The following ARL5B variants were observed in gnomAD, a reference collection of about 807,000 sequenced individuals.
ARL5B encodes the protein ADP-ribosylation factor-like protein 5B.
A neutral mutation model predicts 26.9 loss-of-function variants in ARL5B; 10 were observed. The ratio of observed to expected loss-of-function variants is 0.37; its 90% confidence interval spans 0.23 to 0.63. The LOEUF is 0.63. Ranked by LOEUF, ARL5B falls within the 30% of genes least tolerant of loss-of-function variation. ARL5B has a pLI of 0.62. For synonymous variants in ARL5B, 87 were observed against 70.4 expected (o/e 1.24, Z -1.18); for missense variants, 167 against 213.9 (o/e 0.78, Z 1.37).
intron 1 of ARL5B, among the ~76,000 whole-genome samples, chr10:18,663,546 C>CTTTTTTTTTTT (rs10645351): frequency 1.0e-5 from 1 of 97,948 alleles, no homozygotes. Context: ...TTATTCTGCT[C>CTTTTTTTTTTT]TTTTTTTTTT....
chr10:18,664,429 CTTTTTTTTT>C (rs140830487), intron 1 of ARL5B, among the ~76,000 whole-genome samples: 27 of 67,248 alleles, frequency 4.0e-4, no homozygotes, highest in Non-Finnish European at 6.3e-4. Context: ...ACAGTAGTGT[CTTTTTTTTT>C]TTTTTTTTTT....
In ARL5B at chr10:18,679,538, C is replaced by T. The variant is rs536833389; in HGVS notation, c.*4322C>T. Reference sequence around the variant, plus strand: ...ACTGTGAAGACTGAAATCCAAAAGCCAGGTTCCCCAAAAAAGTATTTTTAA... The same window carrying T: ...ACTGTGAAGACTGAAATCCAAAAGCTAGGTTCCCCAAAAAAGTATTTTTAA... On this transcript the variant is annotated 3_prime_UTR_variant, in exon 6 of 6. Coordinates refer to ENST00000377275, the MANE Select transcript of ARL5B (RefSeq NM_178815.5). 1.2e-4 allele frequency: 18 copies of T among 151,842 alleles called. No individual in the cohort carries two copies. In the East Asian group the frequency reaches 2.5e-3, roughly 21 times the overall value. The allele number at this position is 151,842 out of a possible 1,614,324, so 9.4% of individuals were successfully genotyped here. A position where few individuals can be genotyped will look rare whatever the true frequency, so the allele number is the denominator to read the frequency against.
At chr10:18,667,113 T>C (rs996536223) in intron 2 of ARL5B, among the ~76,000 whole-genome samples, 2 of 152,230 alleles carry the variant, frequency 1.3e-5, no homozygotes, top group Non-Finnish European at 2.9e-5. Context: ...GAGAAATCTG[T>C]TAATACCTTA....
Position 18,680,386 on chromosome 10 carries a change from A to G in ARL5B, c.*5170A>G, listed in dbSNP as rs766523614. 6.6e-6 allele frequency: 1 copy of G among 152,104 alleles called. No individual in the cohort carries two copies. The highest frequency in any genetic ancestry group is 2.4e-5 in the African/African-American group (1 of 41,456). The allele number at this position is 152,104 out of a possible 1,614,324, so 9.4% of individuals were successfully genotyped here. The stretch of plus-strand genomic sequence containing the variant: ...AAGCACATAGGAAAGTGCTCAGTCA[A>G]TATTTAATTAGTTTAATTAGATAAG... On this transcript the variant is annotated 3_prime_UTR_variant, in exon 6 of 6. Transcript: ENST00000377275.
chr10:18,666,977 C>T (rs1000235601), intron 2 of ARL5B, among the ~76,000 whole-genome samples: 2 of 152,124 alleles, frequency 1.3e-5, no homozygotes, highest in Non-Finnish European at 2.9e-5. Flanking sequence ...TCTAGGAAGC[C>T]ATTGCTACCC....
rs1216053452 is a variant in ARL5B at position 18,676,623 on chromosome 10, T to C, written c.*1407T>C. On this transcript the variant is annotated 3_prime_UTR_variant, in exon 6 of 6. Coordinates refer to ENST00000377275, the MANE Select transcript of ARL5B (RefSeq NM_178815.5). ...GATAAAATGAATACTTAGAGAATAATACTTCATTTTTGCAGTACTTTTTAA... is the reference window on the plus strand; with the variant it reads ...GATAAAATGAATACTTAGAGAATAACACTTCATTTTTGCAGTACTTTTTAA... The C allele has an allele frequency of 5.3e-5, 8 of 152,152 alleles. No homozygotes were observed. In the East Asian group the frequency reaches 1.5e-3, roughly 29 times the overall value. The allele number at this position is 152,152 out of a possible 1,614,324, so 9.4% of individuals were successfully genotyped here. A position where few individuals can be genotyped will look rare whatever the true frequency, so the allele number is the denominator to read the frequency against.
rs1344241161 is a variant in ARL5B at position 18,680,621 on chromosome 10, C to T, written c.*5405C>T. On this transcript the variant is annotated 3_prime_UTR_variant, in exon 6 of 6. Transcript: ENST00000377275. Reference sequence around the variant, plus strand: ...GACTCTGAAGCCCCTATTTTATTCTCTTGGAGTAAACTGTTGAGTGTAGTT... The same window carrying T: ...GACTCTGAAGCCCCTATTTTATTCTTTTGGAGTAAACTGTTGAGTGTAGTT... The T allele has an allele frequency of 6.6e-6, 1 of 152,012 alleles. No homozygotes were observed. Among genetic ancestry groups the T allele is most frequent in the Non-Finnish European group, 1.5e-5 (1 of 67,940 alleles). The allele number at this position is 152,012 out of a possible 1,614,324, so 9.4% of individuals were successfully genotyped here. A position where few individuals can be genotyped will look rare whatever the true frequency, so the allele number is the denominator to read the frequency against.
At chr10:18,665,286 T>A (rs1387477692) in intron 1 of ARL5B, among the ~76,000 whole-genome samples, 1 of 152,132 alleles carries the variant, frequency 6.6e-6, no homozygotes, top group Non-Finnish European at 1.5e-5. Context: ...GCTGCAGTGA[T>A]CATGCCCCTG....
chr10:18,671,524 G>T (rs1003642070), intron 3 of ARL5B, among the ~76,000 whole-genome samples: 1 of 152,000 alleles, frequency 6.6e-6, no homozygotes, highest in African/African-American at 2.4e-5. Context: ...TCATGTCTCA[G>T]TTTATTTTGC....
intron 1 of ARL5B, among the ~76,000 whole-genome samples, chr10:18,660,717 G>A (rs1047136494): frequency 6.6e-6 from 1 of 152,032 alleles, no homozygotes; most frequent in Non-Finnish European, 1.5e-5. Flanking sequence ...TATAGATACA[G>A]GCACACACAT....
chr10:18,660,983 T>C (rs1231343987), intron 1 of ARL5B, among the ~76,000 whole-genome samples: 16 of 152,042 alleles, frequency 1.1e-4, no homozygotes, highest in Admixed American at 1.0e-3. Context: ...GAGTAACTGG[T>C]ATTTACAGGC....
rs2059929345 is a variant in ARL5B, at chr10:18,680,886, A to C, written c.*5670A>C. The C allele has an allele frequency of 6.6e-6, 1 of 152,170 alleles. No homozygotes were observed. The highest frequency in any genetic ancestry group is 2.4e-5 in the African/African-American group (1 of 41,456). The allele number at this position is 152,170 out of a possible 1,614,324, so 9.4% of individuals were successfully genotyped here. A position where few individuals can be genotyped will look rare whatever the true frequency, so the allele number is the denominator to read the frequency against. ...AATCACACTTTGCTATTTTAACATA[A>C]ATTGGTGCTTTAGAGCATTAAAGAG... On this transcript the variant is annotated 3_prime_UTR_variant, in exon 6 of 6. Transcript: ENST00000377275.
At chr10:18,671,334 G>A (rs1022245119) in intron 3 of ARL5B, among the ~76,000 whole-genome samples, 2 of 151,956 alleles carry the variant, frequency 1.3e-5, no homozygotes, top group African/African-American at 4.8e-5. Flanking sequence ...ACCACACCTG[G>A]CTGATTTTTG....
Position 18,677,991 on chromosome 10 carries a change from G to A in ARL5B, c.*2775G>A, listed in dbSNP as rs1353612911. 1 of 151,732 alleles carries A rather than the reference G, an allele frequency of 6.6e-6. No individual in the cohort carries two copies. Among genetic ancestry groups the A allele is most frequent in the Non-Finnish European group, 1.5e-5 (1 of 67,746 alleles). 9.4% of individuals were successfully genotyped at this position (151,732 alleles called of 1,614,324 possible). A position where few individuals can be genotyped will look rare whatever the true frequency, so the allele number is the denominator to read the frequency against. On this transcript the variant is annotated 3_prime_UTR_variant, in exon 6 of 6. Transcript: ENST00000377275. ...CCAAAGTGTTCAATTATCCTTGCAA[G>A]TTCAAATACAGCATTTTTCTTAATT...
At chr10:18,673,760 ATT>A (rs1000019736) in intron 4 of ARL5B, among the ~76,000 whole-genome samples, 2 of 146,672 alleles carry the variant, frequency 1.4e-5, no homozygotes, top group Non-Finnish European at 3.0e-5. Flanking sequence ...ATTCAGGTGT[ATT>A]TTTTTTTTTC....
intron 3 of ARL5B, among the ~76,000 whole-genome samples, chr10:18,669,484 T>C (rs375875538): frequency 4.7e-4 from 72 of 152,356 alleles, no homozygotes; most frequent in African/African-American, 1.5e-3. Context: ...CTGCCACTTA[T>C]GAGTTCAGAG....
intron 1 of ARL5B, among the ~76,000 whole-genome samples, chr10:18,661,987 A>C (rs1015645342): frequency 3.3e-5 from 5 of 152,228 alleles, no homozygotes; most frequent in Non-Finnish European, 7.3e-5. Context: ...CTAAGACATT[A>C]AACTCTCTAG....
At position 18,681,181 on chromosome 10, in the gene ARL5B, T is replaced by C. The variant is rs2059930506; in HGVS notation, c.*5965T>C. 6.6e-6 allele frequency: 1 copy of C among 152,156 alleles called. No individual in the cohort carries two copies. The highest frequency in any genetic ancestry group is 6.6e-5 in the Admixed American group (1 of 15,250). The allele number at this position is 152,156 out of a possible 1,614,324, so 9.4% of individuals were successfully genotyped here. Reference sequence around the variant, plus strand: ...ATTGTGCAGAGGAAAGAAAAATGTCTTTCACACCACAAACTGTGTGTCTGA... The same window carrying C: ...ATTGTGCAGAGGAAAGAAAAATGTCCTTCACACCACAAACTGTGTGTCTGA... On this transcript the variant is annotated 3_prime_UTR_variant, in exon 6 of 6. Coordinates refer to ENST00000377275, the MANE Select transcript of ARL5B (RefSeq NM_178815.5).
rs2059930458 is a variant in ARL5B, at chr10:18,681,164, G to A, written c.*5948G>A. 6.6e-6 allele frequency: 1 copy of A among 152,118 alleles called. No homozygotes were observed. 9.4% of individuals were successfully genotyped at this position (152,118 alleles called of 1,614,324 possible). On this transcript the variant is annotated 3_prime_UTR_variant, in exon 6 of 6. Transcript: ENST00000377275. ...TCTGTGGGTCCTCCGGTATTGTGCA[G>A]AGGAAAGAAAAATGTCTTTCACACC...
Sources: gnomAD v4.1 joint callset for allele counts (sites outside exome capture counted in the v4.1 genomes callset) on GRCh38, gnomAD v4.1.1 for gene constraint, MANE v1.5 for transcripts, NCBI Gene and HGNC (gene_info 2026-07-23, HGNC 2026-07-21) for gene names.